The following PLS3 variants were observed in gnomAD, a reference collection of about 807,000 sequenced individuals.
The protein encoded by PLS3 is plastin-3.
PLS3 carries 11 observed loss-of-function variants against 46.5 expected under a neutral mutation model. The ratio of observed to expected loss-of-function variants is 0.24; its 90% confidence interval spans 0.15 to 0.39. PLS3 has a LOEUF of 0.39. PLS3 is among the 10% of genes least tolerant of loss of function. The pLI is 1.00. For missense variants in PLS3, 308 were observed against 461.8 expected (o/e 0.67, Z 3.05); for synonymous variants, 167 against 162.2 (o/e 1.03, Z -0.22).
chrX:115,610,715 G>GAAAAGGAAGGGT (rs1556635999), intron 2 of PLS3: 7 of 350,961 alleles, frequency 2.0e-5, no homozygotes, highest in Non-Finnish European at 2.9e-5. Context: ...TGTGACCCTC[G>GAAAAGGAAGGGT]AAAACATTAG....
chrX:115,648,091 C>T (rs1032941865), intron 15 of PLS3, 74 bp downstream of exon 15: 19 of 853,487 alleles, frequency 2.2e-5, no homozygotes, highest in Non-Finnish European at 2.9e-5. Context: ...AATTCAGGTT[C>T]TGCCATTTAA....
chrX:115,594,289 A>C (rs1267932075), intron 1 of PLS3, among the ~76,000 whole-genome samples: 3 of 111,086 alleles, frequency 2.7e-5, no homozygotes, highest in Non-Finnish European at 5.7e-5. Flanking sequence ...TATAAGTTTA[A>C]TTTCCCCATA....
chrX:115,624,364 G>C (rs2074690140), intron 3 of PLS3: 1 of 107,703 alleles, frequency 9.3e-6, no homozygotes, highest in African/African-American at 3.4e-5. Context: ...CTTTTGTTTT[G>C]AATTCTATGT....
chrX:115,596,262 G>A (rs2074387588), intron 1 of PLS3, among the ~76,000 whole-genome samples: 1 of 111,775 alleles, frequency 8.9e-6, no homozygotes, highest in East Asian at 2.8e-4. Context: ...TTAAAACCAC[G>A]TGAGAGGACT....
At position 115,637,049 on chromosome X, in the gene PLS3, A is replaced by G. The variant is rs1030157506; in HGVS notation, c.891+71A>G. On this transcript the variant is annotated intron_variant, in intron 8 of 15. Transcript: ENST00000355899. ...GGAAGATTTCATCCCAGCTTAACAG[A>G]GAGAAAATCCTAACACTGTATCACC... 4.7e-5 allele frequency: 49 copies of G among 1,035,853 alleles called. No individual in the cohort carries two copies. In the South Asian group the frequency reaches 5.7e-4, roughly 12 times the overall value. 85.4% of individuals were successfully genotyped at this position (1,035,853 alleles called of 1,213,427 possible). A position where few individuals can be genotyped will look rare whatever the true frequency, so the allele number is the denominator to read the frequency against.
intron 1 of PLS3, among the ~76,000 whole-genome samples, chrX:115,561,504 A>AG (rs2147401578): frequency 8.9e-6 from 1 of 111,875 alleles, no homozygotes; most frequent in African/African-American, 3.2e-5. Context: ...TCCGCCGCAG[A>AG]CACGTTTTCT....
intron 1 of PLS3, chrX:115,562,749 A>G (rs1248998919): frequency 9.0e-6 from 1 of 110,925 alleles, no homozygotes; most frequent in Non-Finnish European, 1.9e-5. Flanking sequence ...ACGTGCCCCA[A>G]GTCTCTGATG....
chrX:115,630,703 GTA>G (rs34875480), intron 5 of PLS3, among the ~76,000 whole-genome samples: 8,159 of 93,949 alleles, frequency 0.087, 641 homozygotes, highest in African/African-American at 0.22. Context: ...ACATATATAT[GTA>G]TATATATACA....
chrX:115,576,083 A>G (rs1242264850), intron 1 of PLS3, among the ~76,000 whole-genome samples: 1 of 112,195 alleles, frequency 8.9e-6, no homozygotes, highest in Non-Finnish European at 1.9e-5. Context: ...AGTGTGAAAT[A>G]TATCCATATA....
At chrX:115,625,938 T>G (rs2074706235) in intron 3 of PLS3, among the ~76,000 whole-genome samples, 1 of 112,080 alleles carries the variant, frequency 8.9e-6, no homozygotes, top group Admixed American at 9.5e-5. Flanking sequence ...CTGAAAAAGA[T>G]GTATAGATCA....
chrX:115,644,720 G>A, intron 10 of PLS3, among the ~76,000 whole-genome samples: 1 of 111,577 alleles, frequency 9.0e-6, no homozygotes, highest in Non-Finnish European at 1.9e-5. Flanking sequence ...GAGGGATGCA[G>A]ATTCGAGGAA....
intron 1 of PLS3, among the ~76,000 whole-genome samples, chrX:115,581,659 A>G (rs1422859506): frequency 1.8e-5 from 2 of 112,008 alleles, no homozygotes; most frequent in African/African-American, 6.5e-5. Context: ...CTGTCTGCTT[A>G]CTGATTCAGG....
Position 115,590,256 on chromosome X carries a change from G to A in PLS3, c.-8-19987G>A, listed in dbSNP as rs782600536. 2.7e-5 allele frequency among the ~76,000 whole-genome samples: 3 copies of A among 111,473 alleles called. No individual in the cohort carries two copies. In the East Asian group the frequency reaches 8.5e-4, roughly 32 times the overall value. Reference sequence around the variant, plus strand: ...GGCTTTCCTTAGCATTCATTTTGATGAATTTGGGATGCAATTTAAAAGCTG... The same window carrying A: ...GGCTTTCCTTAGCATTCATTTTGATAAATTTGGGATGCAATTTAAAAGCTG... On this transcript the variant is annotated intron_variant, in intron 1 of 15. Transcript: ENST00000355899.
chrX:115,595,271 C>T (rs1281101839), intron 1 of PLS3, among the ~76,000 whole-genome samples: 5 of 111,703 alleles, frequency 4.5e-5, no homozygotes, highest in Non-Finnish European at 7.5e-5. Flanking sequence ...CAGGAAATGA[C>T]ACAGGATTGG....
chrX:115,631,514 G>A (rs1431162225), intron 5 of PLS3, among the ~76,000 whole-genome samples: 1 of 110,831 alleles, frequency 9.0e-6, no homozygotes, highest in Non-Finnish European at 1.9e-5. Flanking sequence ...CAGCAAGATC[G>A]CTGAAGACCA....
At chrX:115,587,157 C>T (rs2074314281) in intron 1 of PLS3, among the ~76,000 whole-genome samples, 1 of 112,277 alleles carries the variant, frequency 8.9e-6, no homozygotes, top group Non-Finnish European at 1.9e-5. Flanking sequence ...AAGATAGTGG[C>T]CCCACACTGT....
At chrX:115,630,927 A>G (rs1357844136) in intron 5 of PLS3, among the ~76,000 whole-genome samples, 2 of 96,820 alleles carry the variant, frequency 2.1e-5, no homozygotes, top group African/African-American at 7.5e-5. Flanking sequence ...ATGTATATAT[A>G]CAAAATATAT....
intron 1 of PLS3, among the ~76,000 whole-genome samples, chrX:115,599,178 T>C (rs2074416454): frequency 9.2e-6 from 1 of 109,022 alleles, no homozygotes; most frequent in Non-Finnish European, 1.9e-5. Flanking sequence ...AAGCAATGTG[T>C]AGTCTCTTTG....
At chrX:115,593,331 T>G (rs1305779408) in intron 1 of PLS3, among the ~76,000 whole-genome samples, 1 of 109,122 alleles carries the variant, frequency 9.2e-6, no homozygotes, top group Non-Finnish European at 1.9e-5. Context: ...TATATGATTT[T>G]GGGGAAAAAA....
Sources: gnomAD v4.1 joint callset for allele counts (sites outside exome capture counted in the v4.1 genomes callset) on GRCh38, gnomAD v4.1.1 for gene constraint, MANE v1.5 for transcripts, NCBI Gene and HGNC (gene_info 2026-07-23, HGNC 2026-07-21) for gene names.